SLC16A2: variants seen among roughly 807,000 people sequenced by gnomAD.
The protein encoded by SLC16A2 is solute carrier family 16 member 2.
Under a neutral mutation model 27.2 loss-of-function variants are expected in SLC16A2, and 3 were observed. That is an observed-to-expected ratio of 0.11 (90% confidence interval 0.05 to 0.28). The LOEUF (loss-of-function observed/expected upper bound fraction) is 0.28, where lower values mean the gene tolerates loss of function less well. Among genes scored for constraint, SLC16A2 ranks in the 10% least tolerant of loss-of-function variants. SLC16A2 has a pLI of 1.00. For synonymous variants in SLC16A2, 202 were observed against 187.8 expected, an observed-to-expected ratio of 1.08 and a Z score of -0.62; for missense variants, 295 against 458.5, an observed-to-expected ratio of 0.64 and a Z score of 3.26.
intron 1 of SLC16A2, among the ~76,000 whole-genome samples, chrX:74,501,597 CT>C (rs1251517246): frequency 9.0e-6 from 1 of 111,336 alleles, no homozygotes; most frequent in African/African-American, 3.3e-5. Context: ...TGGGCCCCCC[CT>C]CTGCTCCAGC....
intron 1 of SLC16A2, among the ~76,000 whole-genome samples, chrX:74,506,877 G>C (rs2050422013): frequency 9.1e-6 from 1 of 109,891 alleles, no homozygotes; most frequent in African/African-American, 3.3e-5. Context: ...TGTCCTCTCT[G>C]AGCTTCAGTG....
At chrX:74,446,494 G>A (rs972174856) in intron 1 of SLC16A2, among the ~76,000 whole-genome samples, 5 of 111,363 alleles carry the variant, frequency 4.5e-5, no homozygotes, top group African/African-American at 1.3e-4. Context: ...GGTGGCACAC[G>A]CCTGTAGTTC....
intron 1 of SLC16A2, among the ~76,000 whole-genome samples, chrX:74,434,298 G>A (rs1013480230): frequency 3.6e-5 from 4 of 112,246 alleles, no homozygotes; most frequent in Non-Finnish European, 7.5e-5. Flanking sequence ...GATTGTGAGG[G>A]CAGGAGGAAT....
intron 1 of SLC16A2, among the ~76,000 whole-genome samples, chrX:74,485,793 C>G (rs182730590): frequency 1.8e-5 from 2 of 111,253 alleles, no homozygotes; most frequent in Non-Finnish European, 3.8e-5. Context: ...CTAGCCTGAT[C>G]GGGAGCAGCA....
intron 5 of SLC16A2, 101 bp from the exon 6 acceptor site, chrX:74,531,232 A>G (rs1011489350): frequency 4.4e-6 from 3 of 687,094 alleles, no homozygotes; most frequent in East Asian, 6.6e-5. Flanking sequence ...ACACGCCAAG[A>G]TTATCTGGAT....
intron 1 of SLC16A2, among the ~76,000 whole-genome samples, chrX:74,445,948 G>A (rs1475982019): frequency 9.0e-6 from 1 of 110,716 alleles, no homozygotes; most frequent in Non-Finnish European, 1.9e-5. Flanking sequence ...ATTGTTCTTA[G>A]CAACCAAGGT....
intron 4 of SLC16A2, among the ~76,000 whole-genome samples, chrX:74,526,491 G>A (rs1356233383): frequency 8.9e-6 from 1 of 112,295 alleles, no homozygotes; most frequent in African/African-American, 3.2e-5. Context: ...ATAGCCCCAA[G>A]TGCCCTCCTA....
At chrX:74,471,911 T>C (rs1381322437) in intron 1 of SLC16A2, among the ~76,000 whole-genome samples, 1 of 112,434 alleles carries the variant, frequency 8.9e-6, no homozygotes, top group Non-Finnish European at 1.9e-5. Flanking sequence ...TACTTGTCTT[T>C]TTGTAACTGG....
intron 1 of SLC16A2, among the ~76,000 whole-genome samples, chrX:74,436,889 A>G (rs897524210): frequency 1.8e-5 from 2 of 111,948 alleles, no homozygotes; most frequent in Admixed American, 1.9e-4. Context: ...CTGATGGCCA[A>G]ATTCTGAAAT....
chrX:74,497,591 C>T (rs1569295526), intron 1 of SLC16A2, among the ~76,000 whole-genome samples: 1 of 108,902 alleles, frequency 9.2e-6, no homozygotes, highest in Non-Finnish European at 1.9e-5. Flanking sequence ...CATATTGAAA[C>T]TGGGTGCCCT....
intron 1 of SLC16A2, among the ~76,000 whole-genome samples, chrX:74,433,633 G>A (rs762271585): frequency 9.0e-5 from 10 of 111,603 alleles, no homozygotes; most frequent in Non-Finnish European, 1.3e-4. Flanking sequence ...ACAAATTGTA[G>A]GCTACCATCC....
intron 1 of SLC16A2, among the ~76,000 whole-genome samples, chrX:74,426,555 T>C (rs2082834818): frequency 8.9e-6 from 1 of 111,975 alleles, no homozygotes; most frequent in Non-Finnish European, 1.9e-5. Context: ...GCAGTCTCAG[T>C]GATACCAGCT....
intron 1 of SLC16A2, among the ~76,000 whole-genome samples, chrX:74,491,052 T>C (rs1404062253): frequency 8.9e-6 from 1 of 112,031 alleles, no homozygotes; most frequent in Non-Finnish European, 1.9e-5. Context: ...ACTTCCTTCA[T>C]GGTCCTGAGT....
In SLC16A2 at chrX:74,487,474, T is replaced by C. The variant is rs1952823128; in HGVS notation, c.431-33516T>C. Among the ~76,000 whole-genome samples the C allele has an allele frequency of 2.7e-5, 3 of 111,919 alleles. No individual in the cohort carries two copies. The South Asian group carries it at 1.1e-3, about 42-fold the overall frequency. ...GCATTTATCTGGCCCACTACGCTGA[T>C]CATTCTCTCAGAAATAACCCCCTGT... On this transcript the variant is annotated intron_variant, in intron 1 of 5. Coordinates refer to ENST00000587091, the MANE Select transcript of SLC16A2 (RefSeq NM_006517.5).
chrX:74,449,152 G>T (rs1055468929), intron 1 of SLC16A2, among the ~76,000 whole-genome samples: 4 of 111,870 alleles, frequency 3.6e-5, no homozygotes, highest in African/African-American at 1.3e-4. Flanking sequence ...GGGGAGGGAA[G>T]TATGAATGAA....
At chrX:74,496,251 AAC>A (rs768625772) in intron 1 of SLC16A2, among the ~76,000 whole-genome samples, 165 of 64,043 alleles carry the variant, frequency 2.6e-3, no homozygotes, top group South Asian at 0.02. Context: ...GAAGACAGAA[AAC>A]ACACACACAC....
intron 1 of SLC16A2, among the ~76,000 whole-genome samples, chrX:74,512,621 C>G (rs942616412): frequency 6.2e-5 from 7 of 112,530 alleles, no homozygotes; most frequent in African/African-American, 2.3e-4. Flanking sequence ...CCCTCTCTCT[C>G]TTTCAACTCA....
At chrX:74,429,804 C>T (rs1928501575) in intron 1 of SLC16A2, among the ~76,000 whole-genome samples, 1 of 111,856 alleles carries the variant, frequency 8.9e-6, no homozygotes, top group African/African-American at 3.3e-5. Flanking sequence ...GTCACTTGTT[C>T]AGGTCACTGG....
At chrX:74,424,412 C>A (rs1005828910) in intron 1 of SLC16A2, among the ~76,000 whole-genome samples, 1 of 111,366 alleles carries the variant, frequency 9.0e-6, no homozygotes, top group African/African-American at 3.3e-5. Context: ...CTCAGTACTA[C>A]CTTTGCTGAG....
Sources: gnomAD v4.1 joint callset for allele counts (sites outside exome capture counted in the v4.1 genomes callset) on GRCh38, gnomAD v4.1.1 for gene constraint, MANE v1.5 for transcripts, NCBI Gene and HGNC (gene_info 2026-07-23, HGNC 2026-07-21) for gene names.